The following SLC30A9 variants were observed in gnomAD, a reference collection of about 807,000 sequenced individuals.
The protein encoded by SLC30A9 is proton-coupled zinc antiporter SLC30A9, mitochondrial.
Under a neutral mutation model 87.5 loss-of-function variants are expected in SLC30A9, and 58 were observed. The ratio of observed to expected loss-of-function variants is 0.66; its 90% CI spans 0.54 to 0.82. The LOEUF (loss-of-function observed/expected upper bound fraction) is 0.82, where lower values mean the gene tolerates loss of function less well. Ranked by LOEUF, SLC30A9 falls within the 40% of genes least tolerant of loss-of-function variation. The probability of loss-of-function intolerance (pLI) is 0.00; values close to 1 mark genes in which losing one functional copy is unlikely to be tolerated. For synonymous variants in SLC30A9, 234 were observed against 233.0 expected (o/e 1.00, Z -0.04); for missense variants, 557 against 679.1 (o/e 0.82, Z 2.00).
At chr4:42,016,976 G>A (rs1715749962) in intron 2 of SLC30A9, among the ~76,000 whole-genome samples, 1 of 152,096 alleles carries the variant, frequency 6.6e-6, no homozygotes, top group African/African-American at 2.4e-5. Context: ...GAATTGCTGG[G>A]TCATAAATTA....
chr4:42,039,783 A>G (rs1466232323), intron 8 of SLC30A9, among the ~76,000 whole-genome samples: 4 of 151,490 alleles, frequency 2.6e-5, no homozygotes, highest in African/African-American at 7.3e-5. Context: ...TTTTCCCTCT[A>G]TCTTCTTGAT....
At chr4:42,085,386 T>A (rs1577729208) in intron 17 of SLC30A9, among the ~76,000 whole-genome samples, 1 of 152,348 alleles carries the variant, frequency 6.6e-6, no homozygotes, top group Middle Eastern at 3.4e-3. Flanking sequence ...ACTAGCAGTG[T>A]GACTTCAGAC....
At chr4:42,046,721 G>GA (rs891870753) in intron 8 of SLC30A9, among the ~76,000 whole-genome samples, 29 of 151,828 alleles carry the variant, frequency 1.9e-4, no homozygotes, top group African/African-American at 6.0e-4. Flanking sequence ...CACAGAATTA[G>GA]AAAAAAAACT....
chr4:42,020,213 A>G (rs1291294868), intron 3 of SLC30A9, among the ~76,000 whole-genome samples: 1 of 152,238 alleles, frequency 6.6e-6, no homozygotes, highest in African/African-American at 2.4e-5. Context: ...TATAGATGAC[A>G]TATAGAGACA....
chr4:42,066,476 T>G (rs1276743043), intron 12 of SLC30A9, 74 bp from the exon 13 acceptor site: 6 of 884,712 alleles, frequency 6.8e-6, no homozygotes, highest in Non-Finnish European at 1.1e-5. Flanking sequence ...TATTTGTTTA[T>G]CTTTTGAGAT....
intron 13 of SLC30A9, 103 bp from the exon 14 acceptor site, chr4:42,066,977 TCTTAA>T: frequency 2.9e-6 from 2 of 691,100 alleles, no homozygotes; most frequent in South Asian, 3.7e-5. Context: ...CACTTTTTTA[TCTTAA>T]CTTATATCTT....
In SLC30A9 at chr4:42,022,942, G is replaced by A; in HGVS notation, c.527+12G>A. The stretch of plus-strand genomic sequence containing the variant: ...GATGTGGAAGCAAAGTAAGAACATA[G>A]TTCTTTCAGAATAAAAGTGCAAACC... On this transcript the variant is annotated intron_variant, in intron 5 of 17. Transcript: ENST00000264451. 1 of 1,463,710 alleles carries A rather than the reference G, an allele frequency of 6.8e-7. No individual in the cohort carries two copies. Among genetic ancestry groups the A allele is most frequent in the Non-Finnish European group, 9.3e-7 (1 of 1,073,100 alleles). 90.7% of individuals were successfully genotyped at this position (1,463,710 alleles called of 1,614,324 possible).
Position 41,998,375 on chromosome 4 carries a change from T to C in SLC30A9, c.110-3241T>C, listed in dbSNP as rs184623859. Among the ~76,000 whole-genome samples the C allele has an allele frequency of 2.0e-4, 31 of 152,316 alleles. No individual in the cohort carries two copies. The Middle Eastern group carries it at 0.01, about 50-fold the overall frequency. ...TAAAGACTTCGATATGTAGCTTGTT[T>C]AGAAGTCACCTTGAAAAAAGAATAT... On this transcript the variant is annotated intron_variant, in intron 1 of 17. Transcript: ENST00000264451.
rs1282609886 is a variant in SLC30A9, at chr4:42,086,306, C to CTT, written c.*181_*182dup. On this transcript the variant is annotated 3_prime_UTR_variant, in exon 18 of 18. Coordinates refer to ENST00000264451, the MANE Select transcript of SLC30A9 (RefSeq NM_006345.4). ...GCAGGACACAGAACTAAAACTACTA[C>CTT]TTACATCTAACAGACACACTACAAG... 2.5e-6 allele frequency: 1 copy of CTT among 407,166 alleles called. No homozygotes were observed. The highest frequency in any genetic ancestry group is 4.4e-6 in the Non-Finnish European group (1 of 225,194). 25.2% of individuals were successfully genotyped at this position (407,166 alleles called of 1,614,324 possible). A position where few individuals can be genotyped will look rare whatever the true frequency, so the allele number is the denominator to read the frequency against.
At chr4:42,055,964 G>A (rs888622608) in intron 9 of SLC30A9, among the ~76,000 whole-genome samples, 6 of 152,154 alleles carry the variant, frequency 3.9e-5, no homozygotes, top group African/African-American at 1.4e-4. Context: ...TTATATATAC[G>A]TACTGATAGA....
Position 42,020,315 on chromosome 4 carries a change from G to A in SLC30A9, c.335-101G>A, listed in dbSNP as rs74934299. The A allele has an allele frequency of 4.4e-3, 2,512 of 566,912 alleles. 17 individuals carry two copies. Among genetic ancestry groups the A allele is most frequent in the Non-Finnish European group, 6.5e-3 (2,104 of 321,992 alleles). 35.1% of individuals were successfully genotyped at this position (566,912 alleles called of 1,614,324 possible). A position where few individuals can be genotyped will look rare whatever the true frequency, so the allele number is the denominator to read the frequency against. ...ATTCAGTGAAAAAGATCAGTTTTCT[G>A]TGAAATTCATTAGTGAAGCCTCTTA... On this transcript the variant is annotated intron_variant, in intron 3 of 17. Coordinates refer to ENST00000264451, the MANE Select transcript of SLC30A9 (RefSeq NM_006345.4).
intron 9 of SLC30A9, among the ~76,000 whole-genome samples, chr4:42,051,014 TAA>T (rs1443036313): frequency 6.6e-6 from 1 of 152,194 alleles, no homozygotes; most frequent in East Asian, 1.9e-4. Flanking sequence ...TGCTGAATGT[TAA>T]GTTACACATG....
At chr4:42,029,411 A>G (rs1716327288) in intron 6 of SLC30A9, 1 of 612,030 alleles carries the variant, frequency 1.6e-6, no homozygotes, top group Admixed American at 2.1e-5. Context: ...AAACCCACAT[A>G]TCAGAACCAC....
rs893303555 is a variant in SLC30A9 at position 42,086,299 on chromosome 4, A to T, written c.*173A>T. 7 of 410,584 alleles carry T rather than the reference A, an allele frequency of 1.7e-5. No individual in the cohort carries two copies. The highest frequency in any genetic ancestry group is 4.1e-5 in the Admixed American group (1 of 24,420). 25.4% of individuals were successfully genotyped at this position (410,584 alleles called of 1,614,324 possible). On this transcript the variant is annotated 3_prime_UTR_variant, in exon 18 of 18. Coordinates refer to ENST00000264451, the MANE Select transcript of SLC30A9 (RefSeq NM_006345.4). ...CAACTCAGCAGGACACAGAACTAAAACTACTACTTACATCTAACAGACACA... is the reference window on the plus strand; with the variant it reads ...CAACTCAGCAGGACACAGAACTAAATCTACTACTTACATCTAACAGACACA...
At position 42,063,516 on chromosome 4, in the gene SLC30A9, T is replaced by G. The variant is rs557900135; in HGVS notation, c.1032+395T>G. On this transcript the variant is annotated intron_variant, in intron 11 of 17. Coordinates refer to ENST00000264451, the MANE Select transcript of SLC30A9 (RefSeq NM_006345.4). ...CATAAGTTGGAACTATATTTGAAGT[T>G]AAAGCTTCTCTTTTCCCGCATCCTG... 1.6e-4 allele frequency among the ~76,000 whole-genome samples: 24 copies of G among 152,318 alleles called. 1 individual carries two copies. The highest frequency in any genetic ancestry group is 5.1e-4 in the African/African-American group (21 of 41,562).
At chr4:42,039,942 TATA>T (rs1267161280) in intron 8 of SLC30A9, among the ~76,000 whole-genome samples, 1 of 152,114 alleles carries the variant, frequency 6.6e-6, no homozygotes, top group African/African-American at 2.4e-5. Flanking sequence ...AATATAAAGA[TATA>T]ATACATAATT....
rs956640960 is a variant in SLC30A9, at chr4:42,087,256, C to G, written c.*1130C>G. On this transcript the variant is annotated 3_prime_UTR_variant, in exon 18 of 18. Coordinates refer to ENST00000264451, the MANE Select transcript of SLC30A9 (RefSeq NM_006345.4). Reference sequence around the variant, plus strand: ...GTTATCAAGGTGGAAAAAAAACATGCAATTCAGTAATTGAAAATGTGGTGA... The same window carrying G: ...GTTATCAAGGTGGAAAAAAAACATGGAATTCAGTAATTGAAAATGTGGTGA... 1 of 152,160 alleles carries G rather than the reference C, an allele frequency of 6.6e-6. No individual in the cohort carries two copies. The highest frequency in any genetic ancestry group is 2.4e-5 in the African/African-American group (1 of 41,436). The allele number at this position is 152,160 out of a possible 1,614,324, so 9.4% of individuals were successfully genotyped here.
At chr4:42,029,889 A>T in intron 6 of SLC30A9, 1 of 704,794 alleles carries the variant, frequency 1.4e-6, no homozygotes, top group East Asian at 3.0e-5. Flanking sequence ...TAAAAATAGA[A>T]ATGTGGAGTA....
intron 8 of SLC30A9, among the ~76,000 whole-genome samples, chr4:42,048,982 C>T (rs780018994): frequency 2.0e-5 from 3 of 151,880 alleles, no homozygotes; most frequent in South Asian, 2.1e-4. Flanking sequence ...GTTGTTTTAG[C>T]GATGGGGTCT....
Sources: allele counts gnomAD v4.1 joint callset (sites outside exome capture counted in the v4.1 genomes callset), GRCh38; gene constraint gnomAD v4.1.1; transcripts MANE v1.5; gene names NCBI Gene and HGNC (gene_info 2026-07-23, HGNC 2026-07-21).